Variants in CARMIL1 observed in about 807,000 individuals in gnomAD.
CARMIL1 encodes F-actin-uncapping protein LRRC16A.
A neutral mutation model predicts 177.1 loss-of-function variants in CARMIL1; 90 were observed. The ratio of observed to expected loss-of-function variants is 0.51; its 90% CI spans 0.43 to 0.61. CARMIL1 has a LOEUF of 0.61. CARMIL1 is among the 20% of genes least tolerant of loss of function. The pLI is 0.00. For missense variants in CARMIL1, 1,380 were observed against 1,667.0 expected, an observed-to-expected ratio of 0.83 and a Z score of 3.00; for synonymous variants, 577 against 606.2, an observed-to-expected ratio of 0.95 and a Z score of 0.71.
intron 36 of CARMIL1, among the ~76,000 whole-genome samples, chr6:25,613,204 C>T (rs930240450): frequency 6.6e-6 from 1 of 152,052 alleles, no homozygotes; most frequent in Non-Finnish European, 1.5e-5. Context: ...TATTCTCTTC[C>T]TTTATATCTT....
At chr6:25,398,195 TC>T (rs927217531) in intron 2 of CARMIL1, among the ~76,000 whole-genome samples, 1 of 152,178 alleles carries the variant, frequency 6.6e-6, no homozygotes, top group Non-Finnish European at 1.5e-5. Flanking sequence ...ATTTTTTACT[TC>T]CTATAGTAAG....
chr6:25,301,268 A>G (rs1000864358), intron 2 of CARMIL1, among the ~76,000 whole-genome samples: 1 of 152,230 alleles, frequency 6.6e-6, no homozygotes, highest in Non-Finnish European at 1.5e-5. Context: ...AGCAGAAACC[A>G]TGAGGAGATG....
chr6:25,445,888 G>A (rs188338259), intron 5 of CARMIL1, among the ~76,000 whole-genome samples: 1 of 152,282 alleles, frequency 6.6e-6, no homozygotes, highest in East Asian at 1.9e-4. Flanking sequence ...GAATTAGTAG[G>A]CATGAAAACA....
At chr6:25,377,084 G>C (rs1791061989) in intron 2 of CARMIL1, among the ~76,000 whole-genome samples, 1 of 152,178 alleles carries the variant, frequency 6.6e-6, no homozygotes, top group Admixed American at 6.5e-5. Context: ...TTGAACCTAG[G>C]GGACATGCAT....
chr6:25,477,321 T>C (rs1298794138), intron 11 of CARMIL1, among the ~76,000 whole-genome samples: 1 of 152,084 alleles, frequency 6.6e-6, no homozygotes, highest in Admixed American at 6.5e-5. Flanking sequence ...GGACCAGGCC[T>C]GCAGTCTTCT....
intron 24 of CARMIL1, 93 bp downstream of exon 24, chr6:25,528,986 T>G: frequency 2.2e-6 from 2 of 920,540 alleles, no homozygotes; most frequent in Non-Finnish European, 3.3e-6. Flanking sequence ...TTCCAATGGG[T>G]CAATAAGAAC....
chr6:25,446,644 T>C (rs1798261187), intron 5 of CARMIL1, among the ~76,000 whole-genome samples: 2 of 152,268 alleles, frequency 1.3e-5, no homozygotes, highest in Non-Finnish European at 2.9e-5. Context: ...GTAGCGCTTT[T>C]AACTTCCTTC....
intron 2 of CARMIL1, among the ~76,000 whole-genome samples, chr6:25,396,410 G>A: frequency 6.7e-6 from 1 of 148,382 alleles, no homozygotes. Context: ...CACCCAGGCT[G>A]GAGTGCAGTG....
chr6:25,437,472 G>A (rs760579567), intron 5 of CARMIL1, among the ~76,000 whole-genome samples: 5 of 151,922 alleles, frequency 3.3e-5, no homozygotes, highest in Admixed American at 6.6e-5. Flanking sequence ...TAAAATCTTC[G>A]GGCAATTATT....
At chr6:25,512,079 C>G in intron 20 of CARMIL1, among the ~76,000 whole-genome samples, 1 of 151,978 alleles carries the variant, frequency 6.6e-6, no homozygotes, top group Non-Finnish European at 1.5e-5. Flanking sequence ...CAGTATTGGC[C>G]CAGTTTTAAC....
chr6:25,535,371 C>G (rs1172186692), intron 24 of CARMIL1, among the ~76,000 whole-genome samples: 1 of 152,110 alleles, frequency 6.6e-6, no homozygotes, highest in Non-Finnish European at 1.5e-5. Context: ...TAAATATGTG[C>G]AGGACTGTCA....
intron 8 of CARMIL1, among the ~76,000 whole-genome samples, chr6:25,459,249 TCTTTCTTTCTTTCTTTC>T (rs1562167388): frequency 2.6e-5 from 3 of 117,624 alleles, no homozygotes; most frequent in East Asian, 2.8e-4. Context: ...TTTCTTTCTT[TCTTTCTTTCTTTCTTTC>T]TTTTTTTTTT....
Position 25,435,534 on chromosome 6 carries a change from G to A in CARMIL1, c.301G>A (p.Glu101Lys), listed in dbSNP as rs1386645129. 2 of 1,555,614 alleles carry A rather than the reference G, an allele frequency of 1.3e-6. No homozygotes were observed. The highest frequency in any genetic ancestry group is 1.4e-5 in the African/African-American group (1 of 73,450). ...CATTTCCATGAAGATGGCGTCACCC[G>A]AGGACGTGAGTGAGGTGCTGGCTCA... ...CSISMKMASP[E>K]DVSEVLAHIG... Residue 101 changes from glutamate (E) to lysine (K), a missense_variant, in exon 5 of 37, where the codon GAG becomes AAG. Transcript: ENST00000329474.
intron 2 of CARMIL1, among the ~76,000 whole-genome samples, chr6:25,404,750 C>T (rs1266128618): frequency 4.2e-5 from 3 of 71,256 alleles, no homozygotes; most frequent in African/African-American, 1.1e-4. Flanking sequence ...AGTGAGACTT[C>T]GTCTTAAAAA....
chr6:25,497,281 C>T (rs1199133436), intron 16 of CARMIL1, among the ~76,000 whole-genome samples: 2 of 152,142 alleles, frequency 1.3e-5, no homozygotes, highest in Admixed American at 1.3e-4. Context: ...TTACATATGG[C>T]CTGTCACCTT....
chr6:25,468,825 A>G (rs1176308800), intron 9 of CARMIL1, among the ~76,000 whole-genome samples: 2 of 152,364 alleles, frequency 1.3e-5, no homozygotes, highest in African/African-American at 4.8e-5. Flanking sequence ...ATAAATTTGT[A>G]TTACAGTATT....
At chr6:25,368,274 AGTT>A in intron 2 of CARMIL1, among the ~76,000 whole-genome samples, 1 of 152,226 alleles carries the variant, frequency 6.6e-6, no homozygotes. Flanking sequence ...TTCTGAGAGT[AGTT>A]GTTAACTGTC....
At chr6:25,354,855 T>C (rs959878639) in intron 2 of CARMIL1, among the ~76,000 whole-genome samples, 2 of 152,160 alleles carry the variant, frequency 1.3e-5, no homozygotes, top group Admixed American at 6.5e-5. Flanking sequence ...CCAACAGTTC[T>C]CTCTTACAGT....
At chr6:25,608,532 A>G (rs1816204041) in intron 35 of CARMIL1, among the ~76,000 whole-genome samples, 1 of 152,192 alleles carries the variant, frequency 6.6e-6, no homozygotes, top group Admixed American at 6.5e-5. Flanking sequence ...CTGAATTCCC[A>G]ATATTCTGTT....
Sources: gnomAD v4.1 joint callset for allele counts (sites outside exome capture counted in the v4.1 genomes callset) on GRCh38, gnomAD v4.1.1 for gene constraint, MANE v1.5 for transcripts, NCBI Gene and HGNC (gene_info 2026-07-23, HGNC 2026-07-21) for gene names.